Variants in OR2A25 observed in about 807,000 individuals in gnomAD.
The protein encoded by OR2A25 is olfactory receptor family 2 subfamily A member 25.
For synonymous variants in OR2A25, 162 were observed against 148.1 expected (o/e 1.09, Z -0.68); for missense variants, 362 against 368.3 (o/e 0.98, Z 0.14).
rs571078600 is a variant in OR2A25 at position 144,074,558 on chromosome 7, C to G, written c.339C>G (p.Leu113=). The stretch of plus-strand genomic sequence containing the variant: ...GTTTTGCACATACAGAATGTCTCCT[C>G]CTGGTGGTGATGTCCTATGATCGGT... The part of the protein sequence containing the change: ...FLSFAHTECL[L]LVVMSYDRYV... The change falls in exon 2 of 2, where the codon CTC becomes CTG. Residue 113 remains leucine (L), a synonymous_variant. Coordinates refer to ENST00000641663, the MANE Select transcript of OR2A25 (RefSeq NM_001386096.1). The G allele has an allele frequency of 1.6e-4, 251 of 1,614,114 alleles. No individual in the cohort carries two copies. The highest frequency in any genetic ancestry group is 2.1e-4 in the Non-Finnish European group (243 of 1,180,054).
Position 144,074,388 on chromosome 7 carries a change from C to A in OR2A25, c.169C>A (p.Pro57Thr), listed in dbSNP as rs761477500. The stretch of plus-strand genomic sequence containing the variant: ...CTCACTGGACTCCAGACTCCACACC[C>A]CCATGTACTTCTTCCTCTCACACCT... ...LISLDSRLHT[P>T]MYFFLSHLAV... The change falls in exon 2 of 2, where the codon CCC becomes ACC. Residue 57 changes from proline to threonine, a missense_variant. Transcript: ENST00000641663. The A allele has an allele frequency of 4.3e-6, 7 of 1,614,164 alleles. No homozygotes were observed. The highest frequency in any genetic ancestry group is 5.9e-6 in the Non-Finnish European group (7 of 1,180,012).
intron 1 of OR2A25, among the ~76,000 whole-genome samples, chr7:144,070,624 G>T (rs936506873): frequency 1.3e-5 from 2 of 151,830 alleles, no homozygotes; most frequent in Non-Finnish European, 2.9e-5. Context: ...TAAAATAGTT[G>T]TTTGTGGGGG....
intron 1 of OR2A25, among the ~76,000 whole-genome samples, chr7:144,071,348 G>C (rs903306082): frequency 6.6e-6 from 1 of 152,064 alleles, no homozygotes; most frequent in African/African-American, 2.4e-5. Context: ...CAAATGACTA[G>C]ATCTCATTCT....
chr7:144,074,766 G>A lies in OR2A25; in HGVS notation c.547G>A (p.Val183Ile). The A allele has an allele frequency of 1.2e-6, 2 of 1,614,194 alleles. No individual in the cohort carries two copies. The highest frequency in any genetic ancestry group is 1.7e-6 in the Non-Finnish European group (2 of 1,180,038). Residue 183 changes from valine (V) to isoleucine (I), a missense_variant, in exon 2 of 2, where the codon GTT (valine) becomes ATT (isoleucine). Val to Ile is a conservative substitution (Grantham distance 29). Transcript: ENST00000641663. ...LNHFFCEIMA[V>I]LKLACADTHI... Reference sequence around the variant, plus strand: ...TCACTTTTTCTGTGAAATTATGGCTGTTCTCAAACTTGCCTGTGCGGATAC... The same window carrying A: ...TCACTTTTTCTGTGAAATTATGGCTATTCTCAAACTTGCCTGTGCGGATAC...
rs763117243 is a variant in OR2A25, at chr7:144,074,744, C to CT, written c.530dup (p.Cys178LeufsTer2). On this transcript the variant is annotated frameshift_variant, in exon 2 of 2. Coordinates refer to ENST00000641663, the MANE Select transcript of OR2A25 (RefSeq NM_001386096.1). LOFTEE classifies it low-confidence loss of function (END_TRUNC). The stretch of plus-strand genomic sequence containing the variant: ...TCTGTGGACCCCAGAAACTTAATCA[C>CT]TTTTTCTGTGAAATTATGGCTGTTC... 2 of 1,614,074 alleles carry CT rather than the reference C, an allele frequency of 1.2e-6. No individual in the cohort carries two copies. The highest frequency in any genetic ancestry group is 2.2e-5 in the South Asian group (2 of 91,086).
chr7:144,075,276 A>C lies in OR2A25; in HGVS notation c.*124A>C. The C allele has an allele frequency of 1.4e-6, 1 of 717,884 alleles. No homozygotes were observed. Among genetic ancestry groups the C allele is most frequent in the South Asian group, 1.9e-5 (1 of 52,874 alleles). 44.5% of individuals were successfully genotyped at this position (717,884 alleles called of 1,614,324 possible). ...CTTTCCATCTTCTTGAAATTTTCCTATGACTACCTCCCGAGAAAGCCCATT... is the reference window on the plus strand; with the variant it reads ...CTTTCCATCTTCTTGAAATTTTCCTCTGACTACCTCCCGAGAAAGCCCATT... On this transcript the variant is annotated 3_prime_UTR_variant, in exon 2 of 2. Transcript: ENST00000641663.
chr7:144,074,385 A>G lies in OR2A25; in HGVS notation c.166A>G (p.Thr56Ala), dbSNP rs1563035486. The G allele has an allele frequency of 3.1e-6, 5 of 1,613,256 alleles. No homozygotes were observed. The highest frequency in any genetic ancestry group is 1.7e-4 in the Middle Eastern group (1 of 6,058). ...CATCTCACTGGACTCCAGACTCCAC[A>G]CCCCCATGTACTTCTTCCTCTCACA... ...GLISLDSRLH[T>A]PMYFFLSHLA... is the part of the protein sequence containing the mutation. The change falls in exon 2 of 2, where the codon ACC becomes GCC. Residue 56 changes from threonine (T) to alanine (A), a missense_variant. By Grantham distance (58) the Thr-to-Ala change is moderately conservative. Coordinates refer to ENST00000641663, the MANE Select transcript of OR2A25 (RefSeq NM_001386096.1).
rs753630996 is a variant in OR2A25 at position 144,075,431 on chromosome 7, T to C, written c.*279T>C. 8.0e-6 allele frequency: 2 copies of C among 250,300 alleles called. No individual in the cohort carries two copies. Among genetic ancestry groups the C allele is most frequent in the Non-Finnish European group, 7.6e-6 (1 of 130,978 alleles). The allele number at this position is 250,300 out of a possible 1,614,324, so 15.5% of individuals were successfully genotyped here. ...ATTCTGAAAGTTGGAAATAAATGTG[T>C]ATCTTTTTGTTCTGTAAATAAGACT... On this transcript the variant is annotated 3_prime_UTR_variant, in exon 2 of 2. Coordinates refer to ENST00000641663, the MANE Select transcript of OR2A25 (RefSeq NM_001386096.1).
intron 1 of OR2A25, among the ~76,000 whole-genome samples, chr7:144,070,819 T>G (rs1344094598): frequency 6.6e-6 from 1 of 152,050 alleles, no homozygotes; most frequent in African/African-American, 2.4e-5. Flanking sequence ...TGTGAGTCCC[T>G]TTTTTCTAAA....
At chr7:144,071,123 T>C (rs757925550) in intron 1 of OR2A25, among the ~76,000 whole-genome samples, 2 of 151,392 alleles carry the variant, frequency 1.3e-5, no homozygotes, top group Non-Finnish European at 2.9e-5. Flanking sequence ...TCATTCTTTT[T>C]AATTTTTTTG....
chr7:144,071,000 C>CAATTACATTCTTTAATGTGAATGTAAAG (rs1314505079), intron 1 of OR2A25, among the ~76,000 whole-genome samples: 5 of 152,000 alleles, frequency 3.3e-5, no homozygotes, highest in Non-Finnish European at 5.9e-5. Context: ...GAATGTAATC[C>CAATTACATTCTTTAATGTGAATGTAAAG]AATTACATTC....
chr7:144,074,289 A>T lies in OR2A25; in HGVS notation c.70A>T (p.Met24Leu), dbSNP rs200844847. The change falls in exon 2 of 2, where the codon ATG becomes TTG. Residue 24 changes from methionine (M) to leucine (L), a missense_variant. Coordinates refer to ENST00000641663, the MANE Select transcript of OR2A25 (RefSeq NM_001386096.1). ...ATTTCCCATTGGCCCAAGGATTCAG[A>T]TGCTCCTCTTTGGGCTCTTCTCCCT... ...LGFPIGPRIQ[M>L]LLFGLFSLFY... 6.2e-7 allele frequency: 1 copy of T among 1,613,932 alleles called. No homozygotes were observed. The highest frequency in any genetic ancestry group is 8.5e-7 in the Non-Finnish European group (1 of 1,179,880).
intron 1 of OR2A25, among the ~76,000 whole-genome samples, chr7:144,071,028 G>GTCC (rs2051062467): frequency 6.6e-6 from 1 of 151,900 alleles, no homozygotes; most frequent in Non-Finnish European, 1.5e-5. Context: ...TGAATGTAAA[G>GTCC]AATTACATTC....
In OR2A25 at chr7:144,075,181, C is replaced by T. The variant is rs376884045; in HGVS notation, c.*29C>T. ...CCTGAAAGAATAGTAAAATAGCTGG[C>T]TTCAAAGGGCTTTGAGATTACATCT... On this transcript the variant is annotated 3_prime_UTR_variant, in exon 2 of 2. Coordinates refer to ENST00000641663, the MANE Select transcript of OR2A25 (RefSeq NM_001386096.1). 1.3e-5 allele frequency: 19 copies of T among 1,499,608 alleles called. No individual in the cohort carries two copies. Among genetic ancestry groups the T allele is most frequent in the Non-Finnish European group, 1.7e-5 (19 of 1,092,722 alleles). The allele number at this position is 1,499,608 out of a possible 1,614,324, so 92.9% of individuals were successfully genotyped here.
At position 144,075,673 on chromosome 7, in the gene OR2A25, C is replaced by CA. The variant is rs2051108055; in HGVS notation, c.*527dup. 1 of 151,772 alleles carries CA rather than the reference C, an allele frequency of 6.6e-6. No homozygotes were observed. Among genetic ancestry groups the CA allele is most frequent in the African/African-American group, 2.4e-5 (1 of 41,176 alleles). The allele number at this position is 151,772 out of a possible 1,614,324, so 9.4% of individuals were successfully genotyped here. A position where few individuals can be genotyped will look rare whatever the true frequency, so the allele number is the denominator to read the frequency against. ...TGAAACCCCGTTTCTACTAAAAATA[C>CA]AAAAAATTAGCCGGGCGTGTTGGCG... On this transcript the variant is annotated 3_prime_UTR_variant, in exon 2 of 2. Transcript: ENST00000641663.
At position 144,074,448 on chromosome 7, in the gene OR2A25, G is replaced by T. The variant is rs1434266475; in HGVS notation, c.229G>T (p.Val77Leu). ...VVDIACACSTVPQMLVNLLHP... is the reference protein window; with the variant it reads ...VVDIACACSTLPQMLVNLLHP... ...CGACATCGCCTGTGCTTGCAGCACGGTGCCCCAGATGCTGGTGAACCTCCT... is the reference window on the plus strand; with the variant it reads ...CGACATCGCCTGTGCTTGCAGCACGTTGCCCCAGATGCTGGTGAACCTCCT... Residue 77 changes from valine to leucine, a missense_variant, in exon 2 of 2, where the codon GTG becomes TTG. Transcript: ENST00000641663. 2 of 1,614,194 alleles carry T rather than the reference G, an allele frequency of 1.2e-6. No homozygotes were observed.
In OR2A25 at chr7:144,074,342, C is replaced by T. The variant is rs758546313; in HGVS notation, c.123C>T (p.Asn41=). The change falls in exon 2 of 2, where the codon AAC becomes AAT. Residue 41 remains asparagine, a synonymous_variant. Transcript: ENST00000641663. The part of the protein sequence containing the change: ...SLFYIFILLG[N]GTILGLISLD... Reference sequence around the variant, plus strand: ...TCTACATCTTCATTCTGTTGGGGAACGGGACAATCCTGGGGCTCATCTCAC... The same window carrying T: ...TCTACATCTTCATTCTGTTGGGGAATGGGACAATCCTGGGGCTCATCTCAC... 2.9e-5 allele frequency: 47 copies of T among 1,613,900 alleles called. No individual in the cohort carries two copies. The highest frequency in any genetic ancestry group is 1.6e-4 in the African/African-American group (12 of 74,888).
rs776164670 is a variant in OR2A25, at chr7:144,075,078, C to T, written c.859C>T (p.Leu287=). 1 of 1,614,110 alleles carries T rather than the reference C, an allele frequency of 6.2e-7. No individual in the cohort carries two copies. The highest frequency in any genetic ancestry group is 1.7e-5 in the Admixed American group (1 of 60,022). Residue 287 remains leucine, a synonymous_variant, in exon 2 of 2, where the codon CTA becomes TTA. Coordinates refer to ENST00000641663, the MANE Select transcript of OR2A25 (RefSeq NM_001386096.1). The part of the protein sequence containing the change: ...HSLFNPMLNP[L]IYSLRNKEVQ... The stretch of plus-strand genomic sequence containing the variant: ...CCTCTTCAATCCCATGCTTAATCCC[C>T]TAATTTATAGTCTTAGGAACAAGGA...
intron 1 of OR2A25, among the ~76,000 whole-genome samples, chr7:144,071,148 C>A (rs1309963064): frequency 7.2e-6 from 1 of 139,010 alleles, no homozygotes; most frequent in Non-Finnish European, 1.5e-5. Flanking sequence ...CATTAATGAT[C>A]CCCACCTCCT....
Sources: gnomAD v4.1 joint callset for allele counts (sites outside exome capture counted in the v4.1 genomes callset) on GRCh38, gnomAD v4.1.1 for gene constraint, MANE v1.5 for transcripts, NCBI Gene and HGNC (gene_info 2026-07-23, HGNC 2026-07-21) for gene names.